LMBRD1: variants seen among roughly 807,000 people sequenced by gnomAD.
The protein encoded by LMBRD1 is lysosomal cobalamin transport escort protein LMBD1.
A neutral mutation model predicts 74.8 loss-of-function variants in LMBRD1; 64 were observed. The observed-to-expected ratio is 0.86, with a 90% CI of 0.70 to 1.05. The LOEUF is 1.05. Ranked by LOEUF, LMBRD1 falls within the 50% of genes least tolerant of loss-of-function variation. The probability of loss-of-function intolerance (pLI) is 0.00; values close to 1 mark genes in which losing one functional copy is unlikely to be tolerated. For missense variants in LMBRD1, 652 were observed against 645.9 expected (o/e 1.01, Z -0.10); for synonymous variants, 204 against 216.3 (o/e 0.94, Z 0.50).
intron 13 of LMBRD1, among the ~76,000 whole-genome samples, chr6:69,698,719 C>A (rs1452196389): frequency 1.3e-5 from 2 of 151,602 alleles, no homozygotes; most frequent in Non-Finnish European, 3.0e-5. Flanking sequence ...TCTTTGGGAG[C>A]CATATTATTA....
In LMBRD1 at chr6:69,697,637, T is replaced by G. The variant is rs375328924; in HGVS notation, c.1343A>C (p.Asn448Thr). 1.7e-4 allele frequency: 270 copies of G among 1,566,116 alleles called. 1 individual carries two copies. Among genetic ancestry groups the G allele is most frequent in the Non-Finnish European group, 2.2e-4 (254 of 1,137,960 alleles). Residue 448 changes from asparagine to threonine, a missense_variant, in exon 14 of 16, where the codon AAT becomes ACT. Transcript: ENST00000649934. Reference sequence around the variant, plus strand: ...GCCTTTATGATTATCAGAAGTTATATTAGTCTGAAAGATAAAAATACAGTT... The same window carrying G: ...GCCTTTATGATTATCAGAAGTTATAGTAGTCTGAAAGATAAAAATACAGTT... ...YGSQNYLIETNITSDNHKGNS... is the reference protein window; with the variant it reads ...YGSQNYLIETTITSDNHKGNS...
chr6:69,766,147 A>T (rs879745766), intron 3 of LMBRD1, among the ~76,000 whole-genome samples: 78 of 151,664 alleles, frequency 5.1e-4, no homozygotes, highest in Non-Finnish European at 9.3e-4. Context: ...TATTCATTTA[A>T]TTATTTATTT....
At chr6:69,744,877 T>C (rs2149873166) in intron 5 of LMBRD1, among the ~76,000 whole-genome samples, 1 of 151,080 alleles carries the variant, frequency 6.6e-6, no homozygotes, top group Admixed American at 6.6e-5. Context: ...GGAATCTCAC[T>C]CTGTTGCCAG....
At chr6:69,723,235 C>A (rs1014356021) in intron 7 of LMBRD1, among the ~76,000 whole-genome samples, 2 of 152,090 alleles carry the variant, frequency 1.3e-5, no homozygotes, top group Admixed American at 6.5e-5. Context: ...GACTTCAACA[C>A]CCCAATTTCA....
At chr6:69,706,368 AT>A (rs1766259696) in intron 9 of LMBRD1, among the ~76,000 whole-genome samples, 1 of 152,184 alleles carries the variant, frequency 6.6e-6, no homozygotes, top group Admixed American at 6.6e-5. Flanking sequence ...AAGTTGCTGA[AT>A]ATAAGGTTAA....
intron 4 of LMBRD1, among the ~76,000 whole-genome samples, chr6:69,749,816 CAT>C (rs1450251543): frequency 6.7e-6 from 1 of 148,948 alleles, no homozygotes; most frequent in East Asian, 1.9e-4. Flanking sequence ...TGAGTATATA[CAT>C]GAGTATATAT....
chr6:69,688,401 G>GTTTTTT (rs142237925), intron 14 of LMBRD1, among the ~76,000 whole-genome samples: 4 of 148,946 alleles, frequency 2.7e-5, no homozygotes, highest in African/African-American at 2.5e-5. Flanking sequence ...GAAGGGCAGA[G>GTTTTTT]ATTTTTTTTT....
intron 9 of LMBRD1, among the ~76,000 whole-genome samples, chr6:69,705,108 C>G (rs560661453): frequency 6.6e-6 from 1 of 152,202 alleles, no homozygotes; most frequent in East Asian, 1.9e-4. Flanking sequence ...GGAGTTCCGT[C>G]TTTAAAAACT....
intron 1 of LMBRD1, among the ~76,000 whole-genome samples, chr6:69,794,334 TA>T (rs1409690577): frequency 6.6e-6 from 1 of 152,200 alleles, no homozygotes; most frequent in Non-Finnish European, 1.5e-5. Flanking sequence ...CAAAGCAGCA[TA>T]AATTCATTTT....
chr6:69,700,040 G>A (rs923832063), intron 12 of LMBRD1, among the ~76,000 whole-genome samples: 1 of 151,750 alleles, frequency 6.6e-6, no homozygotes, highest in Non-Finnish European at 1.5e-5. Flanking sequence ...AATATGAACA[G>A]GATAAAAGGA....
intron 7 of LMBRD1, among the ~76,000 whole-genome samples, chr6:69,727,789 A>G (rs1227153734): frequency 6.6e-6 from 1 of 152,092 alleles, no homozygotes; most frequent in Non-Finnish European, 1.5e-5. Flanking sequence ...ATGGGAACTA[A>G]AGTACCTGAT....
At chr6:69,738,108 C>T in intron 6 of LMBRD1, 93 bp from the exon 7 acceptor site, 1 of 903,760 alleles carries the variant, frequency 1.1e-6, no homozygotes, top group Non-Finnish European at 1.8e-6. Flanking sequence ...GCTGCTTACA[C>T]ATTTTGAAGA....
At chr6:69,695,330 T>C (rs1217533874) in intron 14 of LMBRD1, among the ~76,000 whole-genome samples, 1 of 152,198 alleles carries the variant, frequency 6.6e-6, no homozygotes, top group Non-Finnish European at 1.5e-5. Context: ...TTTTCTCTTT[T>C]TTCAGCCTTC....
intron 3 of LMBRD1, among the ~76,000 whole-genome samples, chr6:69,778,115 TTTC>T (rs1019130920): frequency 6.6e-6 from 1 of 152,346 alleles, no homozygotes; most frequent in Admixed American, 6.5e-5. Context: ...CCAATTAAAT[TTTC>T]TTGTTTTGAT....
chr6:69,735,195 A>G (rs1766948710), intron 7 of LMBRD1, among the ~76,000 whole-genome samples: 1 of 152,188 alleles, frequency 6.6e-6, no homozygotes, highest in Non-Finnish European at 1.5e-5. Flanking sequence ...TCAGGTTGCA[A>G]GGCAGGAACC....
chr6:69,790,942 T>C lies in LMBRD1; in HGVS notation c.70-470A>G, dbSNP rs79073054. Among the ~76,000 whole-genome samples the C allele has an allele frequency of 7.0e-3, 1,072 of 152,350 alleles. 21 individuals carry two copies. The East Asian group carries it at 0.078, about 11-fold the overall frequency. On this transcript the variant is annotated intron_variant, in intron 1 of 15. Coordinates refer to ENST00000649934, the MANE Select transcript of LMBRD1 (RefSeq NM_018368.4). ...GAATAGCATTGAGCTAAAGATTAAC[T>C]GCCAGTAATCACCATGCAATTATCA...
intron 13 of LMBRD1, 88 bp downstream of exon 13, chr6:69,698,950 ATATCT>A: frequency 1.2e-6 from 1 of 829,390 alleles, no homozygotes; most frequent in Non-Finnish European, 2.0e-6. Context: ...TGATGAGCTA[ATATCT>A]TATGCTAACC....
intron 3 of LMBRD1, among the ~76,000 whole-genome samples, chr6:69,780,250 G>A (rs1050898762): frequency 2.0e-5 from 3 of 151,798 alleles, no homozygotes; most frequent in African/African-American, 7.3e-5. Context: ...CGTGGCAGGT[G>A]GGGTTCCCTC....
In LMBRD1 at chr6:69,748,561, C is replaced by A. The variant is rs1015767870; in HGVS notation, c.473+780G>T. Among the ~76,000 whole-genome samples, 5 of 152,020 alleles carry A rather than the reference C, an allele frequency of 3.3e-5. No individual in the cohort carries two copies. In the South Asian group the frequency reaches 1.0e-3, roughly 32 times the overall value. The stretch of plus-strand genomic sequence containing the variant: ...TTACTCAACAATTTTATTCCCATTA[C>A]AAGTTACATGTAATAAGTAATTTTT... On this transcript the variant is annotated intron_variant, in intron 5 of 15. Coordinates refer to ENST00000649934, the MANE Select transcript of LMBRD1 (RefSeq NM_018368.4).
Sources: allele counts gnomAD v4.1 joint callset (sites outside exome capture counted in the v4.1 genomes callset), GRCh38; gene constraint gnomAD v4.1.1; transcripts MANE v1.5; gene names NCBI Gene and HGNC (gene_info 2026-07-23, HGNC 2026-07-21).